Variants in CLASP1 observed in about 807,000 individuals in gnomAD.
The protein encoded by CLASP1 is cytoplasmic linker associated protein 1.
In CLASP1, 38 loss-of-function variants were observed where a neutral mutation model predicts 192.3. The ratio of observed to expected loss-of-function variants is 0.20; its 90% confidence interval spans 0.15 to 0.26. The LOEUF is 0.26. CLASP1 is among the 10% of genes least tolerant of loss of function. CLASP1 has a pLI of 1.00. For missense variants in CLASP1, 1,433 were observed against 1,932.5 expected (o/e 0.74, Z 4.85); for synonymous variants, 691 against 712.8 (o/e 0.97, Z 0.49).
intron 8 of CLASP1, among the ~76,000 whole-genome samples, chr2:121,473,613 T>A (rs2091141765): frequency 6.6e-6 from 1 of 152,038 alleles, no homozygotes; most frequent in Admixed American, 6.6e-5. Context: ...ACTATAAACC[T>A]ACAGATCCAA....
chr2:121,592,429 T>C (rs1321506848), intron 2 of CLASP1, among the ~76,000 whole-genome samples: 1 of 152,218 alleles, frequency 6.6e-6, no homozygotes. Context: ...GTAACATTAA[T>C]TTTAAACACT....
rs147276318 is a variant in CLASP1 at position 121,482,892 on chromosome 2, G to A, written c.713-12932C>T. Among the ~76,000 whole-genome samples the A allele has an allele frequency of 1.1e-3, 165 of 152,210 alleles. 2 individuals are homozygous for A. Among genetic ancestry groups the A allele is most frequent in the African/African-American group, 3.4e-3 (142 of 41,524 alleles). ...TGTTAGTGCCTCAAACTCTCCCCAG[G>A]ACCGGACAGACTCAGGGTAAGATGA... On this transcript the variant is annotated intron_variant, in intron 8 of 39. Coordinates refer to ENST00000263710, the Ensembl canonical transcript of CLASP1.
At chr2:121,497,666 G>A (rs2093586836) in intron 8 of CLASP1, among the ~76,000 whole-genome samples, 1 of 152,156 alleles carries the variant, frequency 6.6e-6, no homozygotes, top group South Asian at 2.1e-4. Context: ...CCAAGAAGGT[G>A]CAGCCCAAAA....
exon 40 of CLASP1, chr2:121,340,571 C>T (rs955368831): frequency 2.2e-5 from 7 of 312,876 alleles, no homozygotes; most frequent in Middle Eastern, 9.2e-4. Context: ...CTGCACCCCA[C>T]ACACAGGGTT....
intron 8 of CLASP1, among the ~76,000 whole-genome samples, chr2:121,478,894 C>A (rs910472055): frequency 4.6e-5 from 1 of 21,774 alleles, no homozygotes; most frequent in Non-Finnish European, 9.8e-5. Context: ...ACACCACACA[C>A]ACACACCACA....
intron 14 of CLASP1, among the ~76,000 whole-genome samples, chr2:121,456,377 C>T (rs2149836294): frequency 6.6e-6 from 1 of 150,690 alleles, no homozygotes; most frequent in African/African-American, 2.4e-5. Flanking sequence ...GATTAGTGGG[C>T]CATGGTGGTG....
intron 19 of CLASP1, among the ~76,000 whole-genome samples, chr2:121,443,986 C>T (rs1249595267): frequency 6.6e-6 from 1 of 152,160 alleles, no homozygotes; most frequent in African/African-American, 2.4e-5. Context: ...TGAAAATGAA[C>T]TAGCTGTTCC....
At chr2:121,629,813 T>C (rs1330952016) in intron 1 of CLASP1, among the ~76,000 whole-genome samples, 11 of 151,554 alleles carry the variant, frequency 7.3e-5, no homozygotes, top group African/African-American at 2.4e-4. Context: ...AAAAGCAAAC[T>C]AGAAAACAAA....
chr2:121,635,348 A>G (rs2070638797), intron 1 of CLASP1, among the ~76,000 whole-genome samples: 1 of 152,214 alleles, frequency 6.6e-6, no homozygotes, highest in African/African-American at 2.4e-5. Flanking sequence ...TAAAGAGAAT[A>G]AAATAATTCC....
At chr2:121,393,390 C>A (rs1046946188) in intron 30 of CLASP1, among the ~76,000 whole-genome samples, 2 of 152,114 alleles carry the variant, frequency 1.3e-5, no homozygotes, top group African/African-American at 4.8e-5. Context: ...AAGGATGAGG[C>A]AGAACAAAGT....
chr2:121,388,734 T>C (rs559586746), intron 30 of CLASP1, among the ~76,000 whole-genome samples: 1 of 152,294 alleles, frequency 6.6e-6, no homozygotes, highest in South Asian at 2.1e-4. Context: ...CCAAAAAAAA[T>C]TTAGTAAATA....
At chr2:121,473,814 A>C (rs1559347306) in intron 8 of CLASP1, among the ~76,000 whole-genome samples, 1 of 152,228 alleles carries the variant, frequency 6.6e-6, no homozygotes, top group Admixed American at 6.5e-5. Context: ...ATGCTTGAAA[A>C]TGGTATTCAC....
At chr2:121,580,484 T>C (rs1027282089) in intron 2 of CLASP1, among the ~76,000 whole-genome samples, 13 of 152,346 alleles carry the variant, frequency 8.5e-5, no homozygotes, top group African/African-American at 2.9e-4. Flanking sequence ...TTTTCATTTC[T>C]TTCCAGATCA....
chr2:121,540,760 C>A (rs1026684503), intron 2 of CLASP1, among the ~76,000 whole-genome samples: 2 of 150,794 alleles, frequency 1.3e-5, no homozygotes, highest in African/African-American at 4.9e-5. Context: ...GCACTCCAGC[C>A]TGTGCAACAG....
At chr2:121,477,687 T>G (rs1007186722) in intron 8 of CLASP1, among the ~76,000 whole-genome samples, 1 of 152,236 alleles carries the variant, frequency 6.6e-6, no homozygotes, top group African/African-American at 2.4e-5. Context: ...TGTGACACTT[T>G]GTGCATAGAC....
intron 2 of CLASP1, among the ~76,000 whole-genome samples, chr2:121,582,362 A>G (rs1324826802): frequency 6.7e-6 from 1 of 150,292 alleles, no homozygotes; most frequent in African/African-American, 2.5e-5. Flanking sequence ...AGAGAGAGAA[A>G]GAAAGACAAA....
intron 2 of CLASP1, among the ~76,000 whole-genome samples, chr2:121,542,626 A>G (rs2095256773): frequency 1.3e-5 from 2 of 152,308 alleles, no homozygotes; most frequent in African/African-American, 4.8e-5. Flanking sequence ...CAACCCAATA[A>G]CAATGCCACT....
At chr2:121,362,566 C>T (rs1320376259) in intron 37 of CLASP1, among the ~76,000 whole-genome samples, 1 of 152,210 alleles carries the variant, frequency 6.6e-6, no homozygotes, top group African/African-American at 2.4e-5. Context: ...CCTCATCTTG[C>T]AGAGAGAAGC....
intron 8 of CLASP1, among the ~76,000 whole-genome samples, chr2:121,488,619 G>A (rs2093126687): frequency 6.6e-6 from 1 of 152,196 alleles, no homozygotes; most frequent in Non-Finnish European, 1.5e-5. Flanking sequence ...TTCAGTATCT[G>A]TGTTCAAAAG....
Sources: allele counts gnomAD v4.1 joint callset (sites outside exome capture counted in the v4.1 genomes callset), GRCh38; gene constraint gnomAD v4.1.1; transcripts MANE v1.5; gene names NCBI Gene and HGNC (gene_info 2026-07-23, HGNC 2026-07-21).